Variants in ZNF644 observed in about 807,000 individuals in gnomAD.
The protein encoded by ZNF644 is zinc finger motif enhancer binding protein 2.
Under a neutral mutation model 108.0 loss-of-function variants are expected in ZNF644, and 20 were observed. The ratio of observed to expected loss-of-function variants is 0.19; its 90% CI spans 0.13 to 0.27. The LOEUF (loss-of-function observed/expected upper bound fraction) is 0.27. Ranked by LOEUF, ZNF644 falls within the 10% of genes least tolerant of loss-of-function variation. The pLI is 1.00. For synonymous variants in ZNF644, 542 were observed against 539.1 expected (o/e 1.01, Z -0.08); for missense variants, 1,338 against 1,548.9 (o/e 0.86, Z 2.29).
intron 4 of ZNF644, among the ~76,000 whole-genome samples, chr1:90,927,468 C>T (rs945606499): frequency 6.6e-6 from 1 of 152,058 alleles, no homozygotes; most frequent in Non-Finnish European, 1.5e-5. Flanking sequence ...AAATTATATC[C>T]AAGCTACTCA....
intron 1 of ZNF644, among the ~76,000 whole-genome samples, chr1:91,013,466 C>CACACACACACAT (rs1660153218): frequency 6.7e-6 from 1 of 149,358 alleles, no homozygotes; most frequent in Non-Finnish European, 1.5e-5. Flanking sequence ...CACACACACA[C>CACACACACACAT]ACACACACAC....
At position 90,938,323 on chromosome 1, in the gene ZNF644, G is replaced by C; in HGVS notation, c.3031C>G (p.Gln1011Glu). ...PEQIATSDKMQHFKRTGTGTP... is the reference protein window; with the variant it reads ...PEQIATSDKMEHFKRTGTGTP... ...CCTGTGCCAGTTCTTTTGAAATGCT[G>C]CATTTTGTCACTTGTGGCTATTTGT... The change falls in exon 3 of 6, where the codon CAG (glutamine) becomes GAG (glutamate). Residue 1011 changes from glutamine (Q) to glutamate (E), a missense_variant. Transcript: ENST00000337393. The surrounding 1 kb of genome is among the most constrained non-coding windows in gnomAD (Gnocchi z 4.2). The C allele has an allele frequency of 6.2e-7, 1 of 1,613,952 alleles. No homozygotes were observed. Among genetic ancestry groups the C allele is most frequent in the South Asian group, 1.1e-5 (1 of 91,066 alleles).
intron 4 of ZNF644, among the ~76,000 whole-genome samples, chr1:90,923,809 G>C (rs982986363): frequency 1.1e-4 from 16 of 152,128 alleles, no homozygotes; most frequent in Admixed American, 7.2e-4. Context: ...TTAAGAATTA[G>C]GTTTGTGGTT....
At chr1:90,950,503 G>A (rs1394151928) in intron 2 of ZNF644, among the ~76,000 whole-genome samples, 1 of 151,072 alleles carries the variant, frequency 6.6e-6, no homozygotes, top group Non-Finnish European at 1.5e-5. Flanking sequence ...TAAGTACTAG[G>A]CCTGGTAATG....
At chr1:90,978,993 T>C (rs951678006) in intron 2 of ZNF644, among the ~76,000 whole-genome samples, 2 of 152,120 alleles carry the variant, frequency 1.3e-5, no homozygotes, top group African/African-American at 2.4e-5. Context: ...AAGCAACAAA[T>C]TGATCCCTGT....
chr1:90,953,184 T>A (rs1271202314), intron 2 of ZNF644, among the ~76,000 whole-genome samples: 1 of 152,122 alleles, frequency 6.6e-6, no homozygotes. Context: ...CCCCCCCTCA[T>A]TAAAATGAGT....
chr1:90,979,992 C>T (rs889916732), intron 2 of ZNF644, among the ~76,000 whole-genome samples: 5 of 152,180 alleles, frequency 3.3e-5, no homozygotes, highest in Admixed American at 3.3e-4. Context: ...GGATTATCCT[C>T]AGTGGCTCCT....
chr1:90,978,306 A>G (rs1656206153), intron 2 of ZNF644, among the ~76,000 whole-genome samples: 1 of 151,714 alleles, frequency 6.6e-6, no homozygotes, highest in African/African-American at 2.4e-5. Flanking sequence ...GAGCCAAAAT[A>G]GTGCCATTGC....
At chr1:90,963,584 A>T (rs1272785603) in intron 2 of ZNF644, among the ~76,000 whole-genome samples, 1 of 152,200 alleles carries the variant, frequency 6.6e-6, no homozygotes, top group Non-Finnish European at 1.5e-5. Context: ...AACATGACAA[A>T]TTGTGATAAA....
At chr1:90,953,068 A>T (rs1175415772) in intron 2 of ZNF644, among the ~76,000 whole-genome samples, 1 of 151,850 alleles carries the variant, frequency 6.6e-6, no homozygotes. Context: ...TCATGCTATC[A>T]GACTATCTGA....
rs763653862 is a variant in ZNF644, at chr1:90,940,352, T to G, written c.1002A>C (p.Ala334=). Residue 334 remains alanine, a synonymous_variant, in exon 3 of 6, where the codon GCA becomes GCC. Transcript: ENST00000337393. ...DFLEQNEELQ[A]VDSQKYALSK... ...ATAATGCATATTTCTGTGAGTCTAC[T>G]GCTTGTAGCTCTTCATTTTGTTCTA... is the stretch of plus-strand genomic sequence containing the variant. 9.3e-6 allele frequency: 15 copies of G among 1,613,862 alleles called. No homozygotes were observed. The highest frequency in any genetic ancestry group is 1.3e-5 in the Non-Finnish European group (15 of 1,179,962).
At position 91,014,369 on chromosome 1, in the gene ZNF644, T is replaced by G. The variant is rs1256087881; in HGVS notation, c.-18+7621A>C. Among the ~76,000 whole-genome samples the G allele has an allele frequency of 3.9e-5, 6 of 152,322 alleles. No individual in the cohort carries two copies. In the East Asian group the frequency reaches 1.2e-3, roughly 29 times the overall value. On this transcript the variant is annotated intron_variant, in intron 1 of 5. Coordinates refer to ENST00000337393, the MANE Select transcript of ZNF644 (RefSeq NM_201269.3). ...TATATTAGGAATTACTAATAGTAATTAAGTGCCATTTAATTTTAATATCCC... is the reference window on the plus strand; with the variant it reads ...TATATTAGGAATTACTAATAGTAATGAAGTGCCATTTAATTTTAATATCCC...
chr1:91,016,610 T>C (rs1230229284), intron 1 of ZNF644, among the ~76,000 whole-genome samples: 5 of 152,224 alleles, frequency 3.3e-5, no homozygotes, highest in African/African-American at 9.6e-5. Flanking sequence ...AACATCATTA[T>C]GCTGCACATG....
intron 2 of ZNF644, among the ~76,000 whole-genome samples, chr1:90,956,736 C>T (rs1158197564): frequency 6.6e-6 from 1 of 152,084 alleles, no homozygotes; most frequent in African/African-American, 2.4e-5. Context: ...CTTTTAGTCA[C>T]AAATACTCAG....
chr1:90,989,108 T>C (rs1446696712), intron 1 of ZNF644, among the ~76,000 whole-genome samples: 1 of 152,110 alleles, frequency 6.6e-6, no homozygotes, highest in Non-Finnish European at 1.5e-5. Flanking sequence ...GAGAAAATAT[T>C]TGCAAATCAT....
chr1:91,006,625 A>G (rs1247487847), intron 1 of ZNF644, among the ~76,000 whole-genome samples: 1 of 152,100 alleles, frequency 6.6e-6, no homozygotes, highest in Admixed American at 6.5e-5. Flanking sequence ...AAACCAAAAA[A>G]GTCTTTTTTT....
At chr1:90,953,700 A>G (rs544097813) in intron 2 of ZNF644, among the ~76,000 whole-genome samples, 1 of 152,208 alleles carries the variant, frequency 6.6e-6, no homozygotes, top group Admixed American at 6.5e-5. Flanking sequence ...GAATCACCTG[A>G]GGTCAAGAGT....
At chr1:90,951,733 T>G (rs1245286353) in intron 2 of ZNF644, among the ~76,000 whole-genome samples, 2 of 152,152 alleles carry the variant, frequency 1.3e-5, no homozygotes, top group Non-Finnish European at 2.9e-5. Flanking sequence ...TGCAATATAT[T>G]TATTTACTGT....
chr1:90,985,192 AC>A (rs1656973210), intron 1 of ZNF644, among the ~76,000 whole-genome samples: 1 of 152,210 alleles, frequency 6.6e-6, no homozygotes, highest in Non-Finnish European at 1.5e-5. Context: ...ATTGACAAAT[AC>A]TAGTTGTATA....
Sources: gnomAD v4.1 joint callset for allele counts (sites outside exome capture counted in the v4.1 genomes callset) on GRCh38, gnomAD v4.1.1 for gene constraint, Gnocchi (gnomAD v3.1) non-coding constraint, MANE v1.5 for transcripts, NCBI Gene and HGNC (gene_info 2026-07-23, HGNC 2026-07-21) for gene names.